Variants in STXBP5L observed in about 807,000 individuals in gnomAD.
STXBP5L encodes the protein syntaxin-binding protein 5-like.
A neutral mutation model predicts 144.5 loss-of-function variants in STXBP5L; 65 were observed. That is an observed-to-expected ratio of 0.45 (90% CI 0.37 to 0.55). The LOEUF is 0.55. Among genes scored for constraint, STXBP5L ranks in the 20% least tolerant of loss-of-function variants. The pLI is 0.00. For synonymous variants in STXBP5L, 505 were observed against 469.6 expected (o/e 1.08, Z -0.97); for missense variants, 1,298 against 1,405.5 (o/e 0.92, Z 1.22).
intron 2 of STXBP5L, among the ~76,000 whole-genome samples, chr3:120,945,789 G>A (rs1190122739): frequency 6.6e-6 from 1 of 151,832 alleles, no homozygotes; most frequent in African/African-American, 2.4e-5. Context: ...TACTGGGCAA[G>A]TGTTCTTTCA....
At chr3:121,271,341 T>G (rs1011612398) in intron 18 of STXBP5L, among the ~76,000 whole-genome samples, 3 of 152,208 alleles carry the variant, frequency 2.0e-5, no homozygotes, top group Non-Finnish European at 2.9e-5. Context: ...TATGTCCTTT[T>G]GATATGTTCC....
At chr3:121,187,999 A>C (rs538109417) in intron 9 of STXBP5L, among the ~76,000 whole-genome samples, 18 of 152,292 alleles carry the variant, frequency 1.2e-4, no homozygotes, top group African/African-American at 3.8e-4. Context: ...TCTTAAATAT[A>C]TATGCACCGA....
At position 120,979,456 on chromosome 3, in the gene STXBP5L, T is replaced by C. The variant is rs1941503111; in HGVS notation, c.287+24419T>C. Among the ~76,000 whole-genome samples the C allele has an allele frequency of 2.0e-5, 3 of 152,286 alleles. No homozygotes were observed. The South Asian group carries it at 6.2e-4, about 32-fold the overall frequency. ...TTTTCCAGGTGCCGTCTGTCACCCC[T>C]TTCTTTGACTAGGAAAGGGAACTCC... On this transcript the variant is annotated intron_variant, in intron 3 of 26. Coordinates refer to ENST00000471454, the MANE Select transcript of STXBP5L (RefSeq NM_001308330.2).
chr3:121,136,060 C>A (rs534499334), intron 7 of STXBP5L, among the ~76,000 whole-genome samples: 1 of 152,322 alleles, frequency 6.6e-6, no homozygotes, highest in South Asian at 2.1e-4. Context: ...CAGTGGCAGG[C>A]AGATTATAGC....
intron 3 of STXBP5L, among the ~76,000 whole-genome samples, chr3:121,023,846 C>T (rs530676752): frequency 2.8e-4 from 43 of 152,262 alleles, no homozygotes; most frequent in Middle Eastern, 6.8e-3. Flanking sequence ...AGCTCTGCCT[C>T]CCGGGTTCAC....
chr3:121,377,607 C>A (rs558758955), intron 20 of STXBP5L, among the ~76,000 whole-genome samples: 1 of 152,268 alleles, frequency 6.6e-6, no homozygotes, highest in South Asian at 2.1e-4. Flanking sequence ...AAATGCAAAT[C>A]AAAACCACAA....
chr3:120,983,583 G>A (rs959066021), intron 3 of STXBP5L, among the ~76,000 whole-genome samples: 5 of 152,146 alleles, frequency 3.3e-5, no homozygotes, highest in African/African-American at 1.2e-4. Flanking sequence ...ACATGAGTTC[G>A]AAAATGCCTT....
intron 3 of STXBP5L, among the ~76,000 whole-genome samples, chr3:121,005,329 T>G (rs1944191084): frequency 6.6e-6 from 1 of 152,222 alleles, no homozygotes; most frequent in Non-Finnish European, 1.5e-5. Flanking sequence ...ATTTTCTAGT[T>G]TATTTGCATA....
rs978031061 is a variant in STXBP5L, at chr3:121,057,606, G to C, written c.470+12071G>C. Among the ~76,000 whole-genome samples the C allele has an allele frequency of 5.5e-4, 84 of 151,886 alleles. 1 individual carries two copies. Among genetic ancestry groups the C allele is most frequent in the Admixed American group, 3.3e-4 (5 of 15,256 alleles). On this transcript the variant is annotated intron_variant, in intron 5 of 26. Coordinates refer to ENST00000471454, the MANE Select transcript of STXBP5L (RefSeq NM_001308330.2). ...TAGTTCTTTGCTTTTGGATTCCTTTGCTCAGCACTGTATTTATGAGTTCCA... is the reference window on the plus strand; with the variant it reads ...TAGTTCTTTGCTTTTGGATTCCTTTCCTCAGCACTGTATTTATGAGTTCCA...
chr3:121,313,341 G>C (rs1459256878), intron 19 of STXBP5L, among the ~76,000 whole-genome samples: 4 of 138,286 alleles, frequency 2.9e-5, no homozygotes, highest in Non-Finnish European at 3.2e-5. Flanking sequence ...GCCGGGCGGG[G>C]GGCTGACCCC....
intron 6 of STXBP5L, among the ~76,000 whole-genome samples, chr3:121,118,486 G>T (rs571035253): frequency 6.6e-6 from 1 of 151,620 alleles, no homozygotes; most frequent in East Asian, 1.9e-4. Context: ...CTGGTGGATA[G>T]GATAGCAAGG....
At chr3:120,992,304 T>A (rs1156509789) in intron 3 of STXBP5L, among the ~76,000 whole-genome samples, 1 of 152,146 alleles carries the variant, frequency 6.6e-6, no homozygotes, top group Non-Finnish European at 1.5e-5. Context: ...GTTGGGAACA[T>A]TTTAAGTCCT....
intron 3 of STXBP5L, among the ~76,000 whole-genome samples, chr3:120,969,405 T>C (rs1939981453): frequency 6.6e-6 from 1 of 151,624 alleles, no homozygotes; most frequent in African/African-American, 2.4e-5. Flanking sequence ...TGTTTTTTTT[T>C]TTTTTTCTTG....
intron 5 of STXBP5L, among the ~76,000 whole-genome samples, chr3:121,068,392 A>T (rs1344202938): frequency 1.3e-5 from 2 of 152,120 alleles, no homozygotes; most frequent in African/African-American, 4.8e-5. Context: ...TTTTTATTTC[A>T]GTCTTTATGT....
At chr3:121,057,062 A>T (rs902672484) in intron 5 of STXBP5L, among the ~76,000 whole-genome samples, 1 of 151,558 alleles carries the variant, frequency 6.6e-6, no homozygotes, top group East Asian at 1.9e-4. Context: ...ATTATAAAGA[A>T]GGAAGAAAGC....
intron 5 of STXBP5L, among the ~76,000 whole-genome samples, chr3:121,105,330 A>G (rs2043643283): frequency 6.6e-6 from 1 of 152,042 alleles, no homozygotes; most frequent in African/African-American, 2.4e-5. Context: ...TGGGAGGCAG[A>G]GGTTGCAGTG....
chr3:121,109,265 G>C (rs1285147744), intron 5 of STXBP5L, among the ~76,000 whole-genome samples: 1 of 151,942 alleles, frequency 6.6e-6, no homozygotes, highest in Non-Finnish European at 1.5e-5. Flanking sequence ...GTTATTTCTT[G>C]TTTTCTGCTA....
At chr3:121,201,851 G>A (rs1384658403) in intron 9 of STXBP5L, among the ~76,000 whole-genome samples, 1 of 152,100 alleles carries the variant, frequency 6.6e-6, no homozygotes, top group Non-Finnish European at 1.5e-5. Flanking sequence ...CCCCTCCTGG[G>A]TTCAAGGGAT....
chr3:121,045,682 T>A (rs1225404192), intron 5 of STXBP5L, 147 bp downstream of exon 5: 8 of 744,062 alleles, frequency 1.1e-5, no homozygotes, highest in Non-Finnish European at 1.7e-5. Context: ...AGTGTTTTCT[T>A]TTTTGTAGAA....
Sources: allele counts gnomAD v4.1 joint callset (sites outside exome capture counted in the v4.1 genomes callset), GRCh38; gene constraint gnomAD v4.1.1; transcripts MANE v1.5; gene names NCBI Gene and HGNC (gene_info 2026-07-23, HGNC 2026-07-21).